Variants in HDAC9 observed in about 807,000 individuals in gnomAD.
The protein encoded by HDAC9 is MEF-2 interacting transcription repressor (MITR) protein.
HDAC9 carries 41 observed loss-of-function variants against 139.4 expected under a neutral mutation model. That is an observed-to-expected ratio of 0.29 (90% CI 0.23 to 0.38). HDAC9 has a LOEUF of 0.38. HDAC9 is among the 10% of genes least tolerant of loss of function. HDAC9 has a pLI of 1.00. For synonymous variants in HDAC9, 517 were observed against 476.2 expected (o/e 1.09, Z -1.12); for missense variants, 1,147 against 1,297.0 (o/e 0.88, Z 1.78).
intron 2 of HDAC9, among the ~76,000 whole-genome samples, chr7:18,168,286 C>T (rs551025093): frequency 7.2e-5 from 11 of 152,218 alleles, no homozygotes; most frequent in Admixed American, 1.3e-4. Context: ...TTTGGGGTCA[C>T]GTTTTTCAAC....
At chr7:18,352,360 A>G (rs1212612648) in intron 1 of HDAC9, among the ~76,000 whole-genome samples, 1 of 152,206 alleles carries the variant, frequency 6.6e-6, no homozygotes, top group Non-Finnish European at 1.5e-5. Flanking sequence ...AGAGGGAAAC[A>G]GTAGGTTGCC....
intron 2 of HDAC9, among the ~76,000 whole-genome samples, chr7:18,539,477 A>G (rs1163159141): frequency 2.0e-5 from 3 of 152,232 alleles, no homozygotes; most frequent in Non-Finnish European, 2.9e-5. Flanking sequence ...GGATACTAGT[A>G]AAAACTGATG....
At chr7:18,149,210 C>T (rs866846128) in intron 1 of HDAC9, among the ~76,000 whole-genome samples, 1 of 151,840 alleles carries the variant, frequency 6.6e-6, no homozygotes, top group Non-Finnish European at 1.5e-5. Context: ...TTATTGCCTG[C>T]TTCTGTCCTT....
At chr7:18,835,789 GTGT>G in intron 20 of HDAC9, 108 bp from the exon 21 acceptor site, 1 of 971,934 alleles carries the variant, frequency 1.0e-6, no homozygotes, top group South Asian at 1.5e-5. Flanking sequence ...CTGATTTGAT[GTGT>G]TGTTTGATGT....
At chr7:18,381,198 C>CAAAAAAAAAAAAAAAAAAAAAAAGAAAA (rs60825586) in intron 1 of HDAC9, among the ~76,000 whole-genome samples, 1 of 73,340 alleles carries the variant, frequency 1.4e-5, no homozygotes, top group Non-Finnish European at 2.3e-5. Context: ...GACTCTGTCT[C>CAAAAAAAAAAAAAAAAAAAAAAAGAAAA]AAAAAAAAAA....
chr7:18,907,550 C>A lies in HDAC9; in HGVS notation c.2804-28259C>A, dbSNP rs560074557. On this transcript the variant is annotated intron_variant, in intron 22 of 25. Coordinates refer to ENST00000686413, the MANE Select transcript of HDAC9 (RefSeq NM_178425.4). ...TTGTGATGTCATATTATTTGACAAG[C>A]AAAATTTGCCAAAAGGTCAAAGGAA... Among the ~76,000 whole-genome samples the A allele has an allele frequency of 2.0e-5, 3 of 152,262 alleles. No individual in the cohort carries two copies. In the South Asian group the frequency reaches 6.2e-4, roughly 32 times the overall value.
rs780644837 is a variant in HDAC9, at chr7:18,458,198, C to T, written c.-41-38064C>T. Among the ~76,000 whole-genome samples, 37 of 152,082 alleles carry T rather than the reference C, an allele frequency of 2.4e-4. 1 individual carries two copies. The highest frequency in any genetic ancestry group is 8.0e-4 in the African/African-American group (33 of 41,408). On this transcript the variant is annotated intron_variant, in intron 1 of 3. Coordinates refer to the HDAC9 transcript ENST00000413509. ...AGTGCCAGGGTGCTGGTAATTAAAT[C>T]GTGGATGGTTGACCAGAATTCACAG... is the stretch of plus-strand genomic sequence containing the variant.
At chr7:18,515,696 C>T (rs1395723525) in intron 2 of HDAC9, among the ~76,000 whole-genome samples, 1 of 152,162 alleles carries the variant, frequency 6.6e-6, no homozygotes, top group African/African-American at 2.4e-5. Context: ...AATAAAAATA[C>T]AATCCCTGAG....
Position 18,747,963 on chromosome 7 carries a change from A to AT in HDAC9, c.1910-1034dup, listed in dbSNP as rs546033344. On this transcript the variant is annotated intron_variant, in intron 13 of 25. Transcript: ENST00000686413. ...TACTGGTGCTTATCTATTCCTGAAG[A>AT]TTTTTTTTGGTTGTTGTTGTAAAAC... Among the ~76,000 whole-genome samples the AT allele has an allele frequency of 7.1e-3, 1,077 of 152,128 alleles. 6 individuals are homozygous for AT. The highest frequency in any genetic ancestry group is 9.9e-3 in the Admixed American group (151 of 15,276).
At chr7:18,436,293 A>G (rs565653491) in intron 1 of HDAC9, among the ~76,000 whole-genome samples, 3 of 152,312 alleles carry the variant, frequency 2.0e-5, no homozygotes, top group Non-Finnish European at 4.4e-5. Context: ...AATTATGCAA[A>G]TTTTATTATT....
intron 12 of HDAC9, among the ~76,000 whole-genome samples, chr7:18,678,793 G>A (rs950751251): frequency 1.3e-5 from 2 of 151,766 alleles, no homozygotes; most frequent in African/African-American, 4.8e-5. Flanking sequence ...TTCCTGTTCT[G>A]TTTAATGTCT....
At chr7:18,994,165 G>C (rs1786260021) in intron 25 of HDAC9, among the ~76,000 whole-genome samples, 1 of 152,090 alleles carries the variant, frequency 6.6e-6, no homozygotes, top group Non-Finnish European at 1.5e-5. Flanking sequence ...TCCCACACGT[G>C]ACTGTCTCTG....
chr7:18,229,237 C>T (rs1016991059), intron 2 of HDAC9, among the ~76,000 whole-genome samples: 8 of 152,112 alleles, frequency 5.3e-5, no homozygotes, highest in African/African-American at 1.4e-4. Flanking sequence ...GAAACCTTCC[C>T]TGATTGCTTT....
At chr7:18,379,348 G>T (rs1785242061) in intron 1 of HDAC9, among the ~76,000 whole-genome samples, 1 of 152,168 alleles carries the variant, frequency 6.6e-6, no homozygotes, top group Admixed American at 6.5e-5. Context: ...GTAGCAAGTA[G>T]GCCTGAAATC....
At chr7:18,931,104 G>T (rs996547783) in intron 22 of HDAC9, among the ~76,000 whole-genome samples, 1 of 152,066 alleles carries the variant, frequency 6.6e-6, no homozygotes, top group East Asian at 1.9e-4. Flanking sequence ...AGAAAAAGCG[G>T]TCTAGAATAT....
At chr7:18,325,902 C>G (rs1397508376) in intron 1 of HDAC9, among the ~76,000 whole-genome samples, 2 of 152,034 alleles carry the variant, frequency 1.3e-5, no homozygotes, top group Non-Finnish European at 2.9e-5. Context: ...TACCAGATAG[C>G]CAAGTTATAC....
At chr7:18,794,285 A>T (rs1453946764) in intron 17 of HDAC9, among the ~76,000 whole-genome samples, 1 of 151,122 alleles carries the variant, frequency 6.6e-6, no homozygotes, top group Admixed American at 6.6e-5. Context: ...ATATATTATG[A>T]CCAATAACAT....
intron 25 of HDAC9, among the ~76,000 whole-genome samples, chr7:18,981,156 A>G (rs1169753688): frequency 6.6e-6 from 1 of 152,100 alleles, no homozygotes; most frequent in African/African-American, 2.4e-5. Flanking sequence ...GCCATCATTC[A>G]GTAATCTATA....
At chr7:18,963,418 C>G (rs1256122717) in intron 24 of HDAC9, among the ~76,000 whole-genome samples, 1 of 152,032 alleles carries the variant, frequency 6.6e-6, no homozygotes, top group African/African-American at 2.4e-5. Context: ...TTAAGCCCAA[C>G]AAAATATGAA....
Sources: allele counts gnomAD v4.1 joint callset (sites outside exome capture counted in the v4.1 genomes callset), GRCh38; gene constraint gnomAD v4.1.1; transcripts MANE v1.5; gene names NCBI Gene and HGNC (gene_info 2026-07-23, HGNC 2026-07-21).